Variants in WDR7 observed in about 807,000 individuals in gnomAD.
WDR7 encodes WD repeat domain 7.
Under a neutral mutation model 169.4 loss-of-function variants are expected in WDR7, and 46 were observed. That is an observed-to-expected ratio of 0.27 (90% confidence interval 0.21 to 0.35). The LOEUF (loss-of-function observed/expected upper bound fraction) is 0.35. Among genes scored for constraint, WDR7 ranks in the 10% least tolerant of loss-of-function variants. WDR7 has a pLI of 1.00. For missense variants in WDR7, 1,534 were observed against 1,859.3 expected, an observed-to-expected ratio of 0.83 and a Z score of 3.22; for synonymous variants, 612 against 666.8, an observed-to-expected ratio of 0.92 and a Z score of 1.27.
In WDR7 at chr18:56,655,863, T is replaced by G. The variant is rs188402497; in HGVS notation, c.-20+4287T>G. ...TTGTTGAATGAGACAGTTCTTGAGATTCATCAACATTGTTGAATGAGACAG... is the reference window on the plus strand; with the variant it reads ...TTGTTGAATGAGACAGTTCTTGAGAGTCATCAACATTGTTGAATGAGACAG... On this transcript the variant is annotated intron_variant, in intron 1 of 27. Coordinates refer to ENST00000254442, the MANE Select transcript of WDR7 (RefSeq NM_015285.3). Among the ~76,000 whole-genome samples, 75 of 152,342 alleles carry G rather than the reference T, an allele frequency of 4.9e-4. No individual in the cohort carries two copies. The East Asian group carries it at 0.013, about 26-fold the overall frequency.
intron 22 of WDR7, among the ~76,000 whole-genome samples, chr18:56,930,106 A>G (rs764688083): frequency 3.8e-4 from 58 of 152,190 alleles, no homozygotes; most frequent in Non-Finnish European, 1.2e-4. Context: ...CAGCTGAGGG[A>G]CATTAGTGAA....
At chr18:56,966,610 A>G (rs1287181970) in intron 26 of WDR7, among the ~76,000 whole-genome samples, 1 of 152,102 alleles carries the variant, frequency 6.6e-6, no homozygotes, top group Admixed American at 6.6e-5. Context: ...GTACTCTATA[A>G]GTAGTAGTCA....
chr18:56,793,441 T>G (rs181432700), intron 19 of WDR7, among the ~76,000 whole-genome samples: 1 of 152,378 alleles, frequency 6.6e-6, no homozygotes, highest in East Asian at 1.9e-4. Flanking sequence ...TTCTTCTCTT[T>G]TCAAGGCATA....
intron 4 of WDR7, 97 bp downstream of exon 4, chr18:56,681,488 T>C: frequency 1.3e-6 from 1 of 756,270 alleles, no homozygotes. Context: ...ATATGAAAAA[T>C]GGTGGGTGGT....
chr18:56,835,620 A>G (rs1473036592), intron 20 of WDR7, among the ~76,000 whole-genome samples: 2 of 152,220 alleles, frequency 1.3e-5, no homozygotes, highest in Non-Finnish European at 2.9e-5. Flanking sequence ...ACATGTCTCA[A>G]CAGTATGTGA....
rs967460164 is a variant in WDR7 at position 57,005,200 on chromosome 18, TA to T, written c.4165-15538del. Among the ~76,000 whole-genome samples, 46 of 152,126 alleles carry T rather than the reference TA, an allele frequency of 3.0e-4. 1 individual carries two copies. The highest frequency in any genetic ancestry group is 2.9e-3 in the Admixed American group (45 of 15,278). ...TATTATCATATTATAAAAAACTGTT[TA>T]AAAAAATGATGTCCTTATCATTTCT... On this transcript the variant is annotated intron_variant, in intron 26 of 27. Coordinates refer to ENST00000254442, the MANE Select transcript of WDR7 (RefSeq NM_015285.3).
chr18:56,820,252 A>G (rs1346089980), intron 20 of WDR7, among the ~76,000 whole-genome samples: 7 of 136,484 alleles, frequency 5.1e-5, no homozygotes, highest in Non-Finnish European at 9.3e-5. Flanking sequence ...TGAGGGTCAT[A>G]GTTTGGTGTC....
intron 20 of WDR7, among the ~76,000 whole-genome samples, chr18:56,869,329 A>C (rs2045922722): frequency 6.6e-6 from 1 of 152,236 alleles, no homozygotes; most frequent in African/African-American, 2.4e-5. Flanking sequence ...CTGCAGAAAG[A>C]AATATGCATT....
At chr18:56,895,068 C>T (rs1011007735) in intron 21 of WDR7, among the ~76,000 whole-genome samples, 3 of 151,804 alleles carry the variant, frequency 2.0e-5, no homozygotes, top group Admixed American at 1.3e-4. Flanking sequence ...CATCCTTAGT[C>T]GGTTCACATT....
At chr18:56,968,062 T>C (rs1041060419) in intron 26 of WDR7, among the ~76,000 whole-genome samples, 2 of 152,056 alleles carry the variant, frequency 1.3e-5, no homozygotes, top group African/African-American at 4.8e-5. Flanking sequence ...GTCATCCACT[T>C]TGGTAGATGT....
intron 16 of WDR7, among the ~76,000 whole-genome samples, chr18:56,771,049 A>G (rs916359913): frequency 6.6e-6 from 1 of 152,174 alleles, no homozygotes; most frequent in African/African-American, 2.4e-5. Context: ...CCCTACAACA[A>G]CTGACCCAAA....
intron 25 of WDR7, among the ~76,000 whole-genome samples, chr18:56,956,405 T>C (rs2047251048): frequency 6.6e-6 from 1 of 152,120 alleles, no homozygotes; most frequent in Admixed American, 6.6e-5. Flanking sequence ...CAGTGCCTCT[T>C]CCTGAACAAA....
chr18:56,800,697 G>T (rs1201735406), intron 19 of WDR7, among the ~76,000 whole-genome samples: 1 of 152,200 alleles, frequency 6.6e-6, no homozygotes, highest in South Asian at 2.1e-4. Context: ...TCATTGCTCA[G>T]ATTATCCTGG....
chr18:56,871,173 C>A (rs907803207), intron 20 of WDR7, among the ~76,000 whole-genome samples: 4 of 152,084 alleles, frequency 2.6e-5, no homozygotes, highest in African/African-American at 9.7e-5. Context: ...CATAGTAAAT[C>A]GTGTCTTAAG....
intron 19 of WDR7, among the ~76,000 whole-genome samples, chr18:56,789,134 T>C (rs1029983483): frequency 6.6e-6 from 1 of 152,336 alleles, no homozygotes; most frequent in Non-Finnish European, 1.5e-5. Flanking sequence ...ACTAACCTAA[T>C]GGAATAACAA....
intron 20 of WDR7, among the ~76,000 whole-genome samples, chr18:56,850,703 G>C (rs1182249911): frequency 6.6e-6 from 1 of 152,002 alleles, no homozygotes; most frequent in Non-Finnish European, 1.5e-5. Flanking sequence ...TATAGAGATA[G>C]GGTTTTGCTC....
At chr18:56,788,056 A>T (rs2044429322) in intron 19 of WDR7, among the ~76,000 whole-genome samples, 1 of 152,014 alleles carries the variant, frequency 6.6e-6, no homozygotes, top group Admixed American at 6.5e-5. Flanking sequence ...ATTCTGTGAG[A>T]TAGTTGTTTT....
intron 14 of WDR7, among the ~76,000 whole-genome samples, chr18:56,743,739 GGA>G (rs778479151): frequency 6.6e-6 from 1 of 152,136 alleles, no homozygotes; most frequent in Non-Finnish European, 1.5e-5. Flanking sequence ...GTAGCTAGAG[GGA>G]GATGCAGTTT....
rs541575796 is a variant in WDR7, at chr18:56,652,900, T to C, written c.-20+1324T>C. 6.6e-5 allele frequency among the ~76,000 whole-genome samples: 10 copies of C among 152,316 alleles called. No individual in the cohort carries two copies. The South Asian group carries it at 2.1e-3, about 32-fold the overall frequency. On this transcript the variant is annotated intron_variant, in intron 1 of 27. Coordinates refer to ENST00000254442, the MANE Select transcript of WDR7 (RefSeq NM_015285.3). ...TATCCCTGTAAGAATTTAACTTAAATTTTAGGGGTAGTGACCCTTGTATCT... is the reference window on the plus strand; with the variant it reads ...TATCCCTGTAAGAATTTAACTTAAACTTTAGGGGTAGTGACCCTTGTATCT...
Sources: gnomAD v4.1 joint callset for allele counts (sites outside exome capture counted in the v4.1 genomes callset) on GRCh38, gnomAD v4.1.1 for gene constraint, MANE v1.5 for transcripts, NCBI Gene and HGNC (gene_info 2026-07-23, HGNC 2026-07-21) for gene names.